The following DMC1 variants were observed in gnomAD, a reference collection of about 807,000 sequenced individuals.
The protein encoded by DMC1 is DNA meiotic recombinase 1.
A neutral mutation model predicts 50.1 loss-of-function variants in DMC1; 27 were observed. The ratio of observed to expected loss-of-function variants is 0.54; its 90% CI spans 0.40 to 0.74. DMC1 has a LOEUF of 0.74. Among genes scored for constraint, DMC1 ranks in the 30% least tolerant of loss-of-function variants. DMC1 has a pLI of 0.00. For missense variants in DMC1, 295 were observed against 420.2 expected, an observed-to-expected ratio of 0.70 and a Z score of 2.60; for synonymous variants, 148 against 136.1, an observed-to-expected ratio of 1.09 and a Z score of -0.61.
chr22:38,567,926 A>ATCC (rs778653609), intron 2 of DMC1, among the ~76,000 whole-genome samples: 79 of 152,196 alleles, frequency 5.2e-4, no homozygotes, highest in Non-Finnish European at 1.1e-3. Context: ...CTTCCCCTCC[A>ATCC]GATCCTAAAC....
chr22:38,529,968 T>A (rs1363630513), intron 12 of DMC1, among the ~76,000 whole-genome samples: 1 of 152,092 alleles, frequency 6.6e-6, no homozygotes, highest in East Asian at 1.9e-4. Context: ...TGCCCAAGAA[T>A]GAGGAGGCTT....
downstream of DMC1, among the ~76,000 whole-genome samples, chr22:38,514,535 C>G (rs1251167365): frequency 6.6e-6 from 1 of 152,012 alleles, no homozygotes; most frequent in Non-Finnish European, 1.5e-5. Flanking sequence ...AGCCACCAGG[C>G]ATTCTTAATC....
chr22:38,564,974 T>C (rs1235917484), intron 4 of DMC1, among the ~76,000 whole-genome samples: 1 of 152,164 alleles, frequency 6.6e-6, no homozygotes, highest in Non-Finnish European at 1.5e-5. Flanking sequence ...TGGCTGCCTC[T>C]GAAGAAGGAA....
chr22:38,524,259 C>A (rs1192795319), intron 12 of DMC1, among the ~76,000 whole-genome samples: 1 of 151,918 alleles, frequency 6.6e-6, no homozygotes, highest in Non-Finnish European at 1.5e-5. Context: ...ACTAAAAATA[C>A]AAAAATTAGC....
At position 38,539,415 on chromosome 22, in the gene DMC1, G is replaced by A. The variant is rs1246062221; in HGVS notation, c.495-3C>T. 3 of 1,613,158 alleles carry A rather than the reference G, an allele frequency of 1.9e-6. No individual in the cohort carries two copies. The highest frequency in any genetic ancestry group is 1.7e-6 in the Non-Finnish European group (2 of 1,179,272). ...TGTCCCTAAGGCGATCTGGACGGCT[G>A]GAGTATGCCAAGATTAAGGATCCAA... On this transcript the variant is annotated splice_polypyrimidine_tract_variant and splice_region_variant and intron_variant, in intron 8 of 13. Transcript: ENST00000216024.
In DMC1 at chr22:38,521,710, G is replaced by A; in HGVS notation, c.851C>T (p.Pro284Leu). ...PGATMTFQAD[P>L]KKPIGGHILA... The stretch of plus-strand genomic sequence containing the variant: ...AATGTGTCCCCCAATGGGTTTTTTG[G>A]GATCTGCCTGAAAGCTGAATTAATA... The change falls in exon 13 of 14, where the codon CCC becomes CTC. Residue 284 changes from proline to leucine, a missense_variant. Pro to Leu is a moderately conservative substitution (Grantham distance 98, BLOSUM62 -3). Coordinates refer to ENST00000216024, the MANE Select transcript of DMC1 (RefSeq NM_007068.4). 6.2e-7 allele frequency: 1 copy of A among 1,612,872 alleles called. No homozygotes were observed. The highest frequency in any genetic ancestry group is 2.2e-5 in the East Asian group (1 of 44,860).
intron 12 of DMC1, among the ~76,000 whole-genome samples, chr22:38,523,761 C>G (rs2090056046): frequency 6.7e-6 from 1 of 149,236 alleles, no homozygotes; most frequent in Non-Finnish European, 1.5e-5. Flanking sequence ...GAGTGGGACT[C>G]TGTCTCAGAA....
chr22:38,538,478 T>C, intron 10 of DMC1, 61 bp downstream of exon 10: 1 of 1,603,032 alleles, frequency 6.2e-7, no homozygotes, highest in Non-Finnish European at 8.5e-7. Flanking sequence ...TGAATAGAGA[T>C]CAATAGAAGA....
intron 6 of DMC1, 58 bp downstream of exon 6, chr22:38,555,299 G>A (rs2090458142): frequency 9.6e-7 from 1 of 1,040,486 alleles, no homozygotes; most frequent in Non-Finnish European, 1.5e-6. Context: ...TATACACATA[G>A]ATGTGTATGT....
intron 6 of DMC1, among the ~76,000 whole-genome samples, chr22:38,553,724 C>T (rs1047769028): frequency 6.0e-5 from 9 of 150,392 alleles, no homozygotes; most frequent in South Asian, 2.1e-4. Context: ...TTTGGGAGGC[C>T]GAGGCGGGCA....
the DMC1 span, among the ~76,000 whole-genome samples, chr22:38,510,113 G>A: frequency 6.6e-6 from 1 of 152,092 alleles, no homozygotes; most frequent in Non-Finnish European, 1.5e-5. Context: ...GGAGGCTGAG[G>A]CAGGAGAATC....
In DMC1 at chr22:38,519,062, AG is replaced by A. The variant is rs2089996251; in HGVS notation, c.*957del. 1 of 149,656 alleles carries A rather than the reference AG, an allele frequency of 6.7e-6. No homozygotes were observed. Among genetic ancestry groups the A allele is most frequent in the African/African-American group, 2.5e-5 (1 of 39,822 alleles). 9.3% of individuals were successfully genotyped at this position (149,656 alleles called of 1,614,324 possible). A position where few individuals can be genotyped will look rare whatever the true frequency, so the allele number is the denominator to read the frequency against. On this transcript the variant is annotated 3_prime_UTR_variant, in exon 14 of 14. Coordinates refer to ENST00000216024, the MANE Select transcript of DMC1 (RefSeq NM_007068.4). Reference sequence around the variant, plus strand: ...TAAATTAATTTTAACATTTTAAAAAAGTTTTTTTTTTTTTTTTGAGACGGAG... The same window carrying A: ...TAAATTAATTTTAACATTTTAAAAAATTTTTTTTTTTTTTTTGAGACGGAG...
chr22:38,558,639 C>T (rs576803865), intron 5 of DMC1, among the ~76,000 whole-genome samples: 24 of 152,066 alleles, frequency 1.6e-4, no homozygotes, highest in Admixed American at 2.6e-4. Flanking sequence ...TGCTTGAACC[C>T]AGGAGGCGGA....
chr22:38,526,552 ATAATT>A (rs962558848), intron 12 of DMC1, among the ~76,000 whole-genome samples: 4 of 150,358 alleles, frequency 2.7e-5, no homozygotes, highest in African/African-American at 1.0e-4. Context: ...TAACACTTTG[ATAATT>A]TAATAAAAAC....
chr22:38,562,676 G>C (rs757616255), intron 4 of DMC1, among the ~76,000 whole-genome samples: 4 of 151,734 alleles, frequency 2.6e-5, no homozygotes, highest in Non-Finnish European at 4.4e-5. Flanking sequence ...AGGAGTAGCT[G>C]TGAAAATTAA....
At chr22:38,529,373 C>G (rs2090130906) in intron 12 of DMC1, among the ~76,000 whole-genome samples, 1 of 152,140 alleles carries the variant, frequency 6.6e-6, no homozygotes. Flanking sequence ...CCTCCTTGAG[C>G]CTATCATCTT....
intron 12 of DMC1, among the ~76,000 whole-genome samples, chr22:38,537,047 T>C (rs1029972820): frequency 6.6e-6 from 1 of 151,778 alleles, no homozygotes; most frequent in Non-Finnish European, 1.5e-5. Context: ...AGACGAGGCT[T>C]CATCATGTTG....
At chr22:38,537,677 A>T in intron 11 of DMC1, 25 bp from the exon 12 acceptor site, 7 of 1,584,912 alleles carry the variant, frequency 4.4e-6, no homozygotes, top group Non-Finnish European at 6.1e-6. Flanking sequence ...AAAATTTTAA[A>T]ACTATGAGAA....
intron 12 of DMC1, among the ~76,000 whole-genome samples, chr22:38,531,118 A>G (rs1430767894): frequency 1.3e-5 from 2 of 152,192 alleles, no homozygotes; most frequent in Non-Finnish European, 2.9e-5. Flanking sequence ...CAAGACTGCA[A>G]ATGTTCTACG....
Sources: gnomAD v4.1 joint callset for allele counts (sites outside exome capture counted in the v4.1 genomes callset) on GRCh38, gnomAD v4.1.1 for gene constraint, MANE v1.5 for transcripts, NCBI Gene and HGNC (gene_info 2026-07-23, HGNC 2026-07-21) for gene names.